Variants in VAT1L observed in about 807,000 individuals in gnomAD.
VAT1L encodes the protein vesicle amine transport 1 like.
A neutral mutation model predicts 44.1 loss-of-function variants in VAT1L; 34 were observed. That is an observed-to-expected ratio of 0.77 (90% CI 0.59 to 1.03). The LOEUF (loss-of-function observed/expected upper bound fraction) is 1.03, where lower values mean the gene tolerates loss of function less well. Ranked by LOEUF, VAT1L falls within the 50% of genes least tolerant of loss-of-function variation. The probability of loss-of-function intolerance (pLI) is 0.00; values close to 1 mark genes in which losing one functional copy is unlikely to be tolerated. For missense variants in VAT1L, 615 were observed against 538.8 expected (o/e 1.14, Z -1.40); for synonymous variants, 253 against 202.2 (o/e 1.25, Z -2.13).
At chr16:77,956,106 A>G (rs1187307498) in intron 7 of VAT1L, among the ~76,000 whole-genome samples, 1 of 152,180 alleles carries the variant, frequency 6.6e-6, no homozygotes, top group Non-Finnish European at 1.5e-5. Context: ...ACAAAGAGAT[A>G]ATGCCTGAGG....
In VAT1L at chr16:77,884,121, C is replaced by T. The variant is rs944981676; in HGVS notation, c.883-487C>T. Reference sequence around the variant, plus strand: ...CTGAGCGTCTCATAAGCATCAATGTCTATTGCTTCCCATGCACTTGCAACA... The same window carrying T: ...CTGAGCGTCTCATAAGCATCAATGTTTATTGCTTCCCATGCACTTGCAACA... On this transcript the variant is annotated intron_variant, in intron 6 of 8. Transcript: ENST00000302536. The surrounding 1 kb of genome is among the most constrained non-coding windows in gnomAD (Gnocchi z 4.5). Among the ~76,000 whole-genome samples the T allele has an allele frequency of 6.6e-6, 1 of 152,156 alleles. No homozygotes were observed. The highest frequency in any genetic ancestry group is 1.5e-5 in the Non-Finnish European group (1 of 68,048).
intron 7 of VAT1L, among the ~76,000 whole-genome samples, chr16:77,966,471 G>C (rs965479647): frequency 2.0e-5 from 3 of 152,214 alleles, no homozygotes; most frequent in Non-Finnish European, 4.4e-5. Context: ...ACACAGTGCA[G>C]AGAGCCCAGT....
intron 7 of VAT1L, among the ~76,000 whole-genome samples, chr16:77,957,872 C>T (rs1397180363): frequency 6.6e-6 from 1 of 151,346 alleles, no homozygotes; most frequent in African/African-American, 2.4e-5. Context: ...TACTTTAACC[C>T]CTCATTCTCT....
chr16:77,880,410 T>C (rs997729021), intron 6 of VAT1L, among the ~76,000 whole-genome samples: 1 of 152,084 alleles, frequency 6.6e-6, no homozygotes, highest in Non-Finnish European at 1.5e-5. Context: ...TCCGCTTGCC[T>C]CAGCCTCCCA....
chr16:77,926,941 G>T (rs1439007710), intron 7 of VAT1L, among the ~76,000 whole-genome samples: 1 of 152,140 alleles, frequency 6.6e-6, no homozygotes, highest in African/African-American at 2.4e-5. Context: ...ACTTCCTCCA[G>T]ATTGTCAAGG....
chr16:77,914,541 G>A (rs1247836218), intron 7 of VAT1L, among the ~76,000 whole-genome samples: 2 of 152,170 alleles, frequency 1.3e-5, no homozygotes, highest in African/African-American at 2.4e-5. Context: ...TGTAAATAAC[G>A]CAAATTAAAC....
intron 3 of VAT1L, among the ~76,000 whole-genome samples, chr16:77,859,008 G>A (rs2016888660): frequency 6.6e-6 from 1 of 152,040 alleles, no homozygotes; most frequent in African/African-American, 2.4e-5. Flanking sequence ...GGTGGCACAT[G>A]CCTGTAATCC....
At chr16:77,958,870 C>G (rs917438999) in intron 7 of VAT1L, among the ~76,000 whole-genome samples, 26 of 152,174 alleles carry the variant, frequency 1.7e-4, no homozygotes, top group African/African-American at 6.3e-4. Flanking sequence ...CTACTAATAG[C>G]CCCTTTAAAA....
intron 7 of VAT1L, among the ~76,000 whole-genome samples, chr16:77,897,040 G>A (rs1378963877): frequency 6.6e-6 from 1 of 152,190 alleles, no homozygotes; most frequent in African/African-American, 2.4e-5. Context: ...AAAGGCAACA[G>A]AGGACCAGTT....
At chr16:77,918,094 G>C (rs538165600) in intron 7 of VAT1L, among the ~76,000 whole-genome samples, 2 of 152,162 alleles carry the variant, frequency 1.3e-5, no homozygotes, top group African/African-American at 4.8e-5. Flanking sequence ...CAATAAATGT[G>C]TGAATGGGGA....
At chr16:77,820,121 A>G (rs2016425935) in intron 2 of VAT1L, among the ~76,000 whole-genome samples, 1 of 152,150 alleles carries the variant, frequency 6.6e-6, no homozygotes, top group Non-Finnish European at 1.5e-5. Flanking sequence ...CTCAAGTGTA[A>G]TGAATTAATT....
chr16:77,953,455 CTTGG>C (rs761512183), intron 7 of VAT1L, among the ~76,000 whole-genome samples: 14 of 152,178 alleles, frequency 9.2e-5, no homozygotes, highest in Non-Finnish European at 1.5e-4. Flanking sequence ...CAATTGTTTA[CTTGG>C]TTGAAGTTAT....
intron 3 of VAT1L, among the ~76,000 whole-genome samples, chr16:77,841,375 A>G (rs902901722): frequency 6.6e-6 from 1 of 152,168 alleles, no homozygotes; most frequent in African/African-American, 2.4e-5. Context: ...GAGCCGCCAC[A>G]CCTGGCCAAT....
intron 7 of VAT1L, among the ~76,000 whole-genome samples, chr16:77,962,112 G>A (rs1327705409): frequency 6.6e-6 from 1 of 152,002 alleles, no homozygotes; most frequent in Non-Finnish European, 1.5e-5. Context: ...TAATCACTGT[G>A]TCCTGTAGCC....
chr16:77,801,405 T>TA (rs775365135), intron 1 of VAT1L: 2 of 152,156 alleles, frequency 1.3e-5, no homozygotes, highest in Non-Finnish European at 2.9e-5. Context: ...CGTTCCGCAA[T>TA]AAGAAACAAC....
At chr16:77,867,922 A>G (rs2016992089) in intron 4 of VAT1L, among the ~76,000 whole-genome samples, 2 of 152,064 alleles carry the variant, frequency 1.3e-5, no homozygotes, top group South Asian at 2.1e-4. Context: ...TGGGTGGGAA[A>G]TGGGTACACA....
chr16:77,946,279 C>CTTTTTTCTTTTTTTTTTT (rs2017963751), intron 7 of VAT1L, among the ~76,000 whole-genome samples: 2 of 70,428 alleles, frequency 2.8e-5, no homozygotes, highest in African/African-American at 1.1e-4. Context: ...GTTACTTGTT[C>CTTTTTTCTTTTTTTTTTT]TTTTTTTTTT....
chr16:77,900,429 C>A (rs12919072), intron 7 of VAT1L, among the ~76,000 whole-genome samples: 71,900 of 151,758 alleles, frequency 0.47, 18,252 homozygotes, highest in Middle Eastern at 0.65. Flanking sequence ...CAAGGTGGCT[C>A]ACATCTATAA....
chr16:77,896,939 C>G (rs564319359), intron 7 of VAT1L, among the ~76,000 whole-genome samples: 3 of 152,350 alleles, frequency 2.0e-5, no homozygotes, highest in African/African-American at 7.2e-5. Flanking sequence ...TTAAAAGACA[C>G]AGACCAGGAT....
Sources: allele counts gnomAD v4.1 joint callset (sites outside exome capture counted in the v4.1 genomes callset), GRCh38; gene constraint gnomAD v4.1.1; non-coding constraint Gnocchi (gnomAD v3.1); transcripts MANE v1.5; gene names NCBI Gene and HGNC (gene_info 2026-07-23, HGNC 2026-07-21).